Variants in PRR16 observed in about 807,000 individuals in gnomAD.
PRR16 encodes the protein proline rich 16, also known as protein Largen.
Under a neutral mutation model 18.2 loss-of-function variants are expected in PRR16, and 6 were observed. The observed-to-expected ratio is 0.33, with a 90% CI of 0.18 to 0.65. The LOEUF is 0.65. PRR16 is among the 30% of genes least tolerant of loss of function. The probability of loss-of-function intolerance (pLI) is 0.74; values close to 1 mark genes in which losing one functional copy is unlikely to be tolerated. For missense variants in PRR16, 412 were observed against 376.6 expected (o/e 1.09, Z -0.78); for synonymous variants, 151 against 147.8 (o/e 1.02, Z -0.16).
intron 1 of PRR16, among the ~76,000 whole-genome samples, chr5:120,660,142 C>T (rs1756127161): frequency 6.6e-6 from 1 of 152,052 alleles, no homozygotes; most frequent in African/African-American, 2.4e-5. Context: ...ACACTCACAA[C>T]TTTAGGCAAA....
intron 1 of PRR16, among the ~76,000 whole-genome samples, chr5:120,485,711 C>T (rs1749775244): frequency 6.6e-6 from 1 of 152,118 alleles, no homozygotes; most frequent in Admixed American, 6.6e-5. Context: ...AGGTTAGTTA[C>T]ATATGTATAC....
chr5:120,705,333 T>G, the PRR16 span, among the ~76,000 whole-genome samples: 1 of 152,108 alleles, frequency 6.6e-6, no homozygotes, highest in South Asian at 2.1e-4. Flanking sequence ...AATGTTATAT[T>G]CTTCATGATC....
chr5:120,481,601 C>G (rs1264290244), intron 1 of PRR16, among the ~76,000 whole-genome samples: 1 of 151,890 alleles, frequency 6.6e-6, no homozygotes, highest in Non-Finnish European at 1.5e-5. Flanking sequence ...TTGTAGAAAG[C>G]AGATTACATT....
the PRR16 span, among the ~76,000 whole-genome samples, chr5:120,754,401 T>TTATACTATATATTATATATTATATAATA: frequency 1.5e-5 from 1 of 67,212 alleles, no homozygotes; most frequent in African/African-American, 6.7e-5. Flanking sequence ...ATGTTATATA[T>TTATACTATATATTATATATTATATAATA]TATACTATAT....
chr5:120,476,181 T>C (rs956751400), intron 1 of PRR16, among the ~76,000 whole-genome samples: 2 of 152,184 alleles, frequency 1.3e-5, no homozygotes, highest in Non-Finnish European at 2.9e-5. Flanking sequence ...GCCAGTCCCC[T>C]GCTTAAAAGA....
At chr5:120,649,631 A>C (rs534619484) in intron 1 of PRR16, among the ~76,000 whole-genome samples, 19 of 152,288 alleles carry the variant, frequency 1.2e-4, no homozygotes, top group African/African-American at 4.3e-4. Flanking sequence ...TGGGGAGTAC[A>C]TTTTATAATT....
At chr5:120,560,170 A>C (rs898465255) in intron 1 of PRR16, among the ~76,000 whole-genome samples, 1 of 151,760 alleles carries the variant, frequency 6.6e-6, no homozygotes. Flanking sequence ...TTCTATTGCT[A>C]TGTTGAATAA....
chr5:120,530,409 G>A (rs539487243), intron 1 of PRR16, among the ~76,000 whole-genome samples: 166 of 150,666 alleles, frequency 1.1e-3, no homozygotes, highest in African/African-American at 3.2e-3. Context: ...CTACTTGCCC[G>A]ATCTCCTTTT....
chr5:120,485,282 G>A (rs1157772563), intron 1 of PRR16, among the ~76,000 whole-genome samples: 2 of 152,070 alleles, frequency 1.3e-5, no homozygotes, highest in African/African-American at 4.8e-5. Context: ...ATTGTGAAAT[G>A]CTTTTCTTTA....
the PRR16 span, among the ~76,000 whole-genome samples, chr5:120,754,413 CTATATAT>C: frequency 1.2e-3 from 28 of 24,190 alleles, 1 homozygote; most frequent in East Asian, 0.013. Context: ...ATACTATATA[CTATATAT>C]TATATAATAT....
the PRR16 span, among the ~76,000 whole-genome samples, chr5:120,717,972 TTCCC>T: frequency 6.6e-6 from 1 of 152,194 alleles, no homozygotes; most frequent in Non-Finnish European, 1.5e-5. Context: ...TTCTGCTTTT[TTCCC>T]TCCTCAATCT....
Position 120,678,651 on chromosome 5 carries a change from T to G in PRR16, c.160-7303T>G, listed in dbSNP as rs988296960. On this transcript the variant is annotated intron_variant, in intron 1 of 1. Coordinates refer to ENST00000407149, the MANE Select transcript of PRR16 (RefSeq NM_001300783.2). ...TAGTAGTTTTTTTATCTTGCTACTT[T>G]GCTGAATTTGTTTACCAATTCTAAT... 2.0e-5 allele frequency among the ~76,000 whole-genome samples: 3 copies of G among 152,234 alleles called. No individual in the cohort carries two copies. In the South Asian group the frequency reaches 6.2e-4, roughly 32 times the overall value.
chr5:120,674,064 A>C (rs1289996381), intron 1 of PRR16, among the ~76,000 whole-genome samples: 1 of 151,960 alleles, frequency 6.6e-6, no homozygotes, highest in East Asian at 1.9e-4. Flanking sequence ...TTGGAAATTG[A>C]GCTCTAAAAT....
At chr5:120,542,401 T>A (rs1349337511) in intron 1 of PRR16, among the ~76,000 whole-genome samples, 2 of 152,202 alleles carry the variant, frequency 1.3e-5, no homozygotes, top group African/African-American at 4.8e-5. Context: ...AGTACCTATA[T>A]ACTCTTCACC....
At chr5:120,470,699 C>T (rs571044906) in intron 1 of PRR16, among the ~76,000 whole-genome samples, 6 of 152,150 alleles carry the variant, frequency 3.9e-5, no homozygotes, top group Middle Eastern at 3.4e-3. Flanking sequence ...CTTCTCAGCG[C>T]ATTTATTTAT....
At chr5:120,689,849 CAA>C (rs1757189339), downstream of PRR16, among the ~76,000 whole-genome samples, 1 of 151,368 alleles carries the variant, frequency 6.6e-6, no homozygotes, top group South Asian at 2.1e-4. Context: ...AAAAATTGCC[CAA>C]AGTTATCTTC....
At chr5:120,496,220 T>C (rs1750240402) in intron 1 of PRR16, among the ~76,000 whole-genome samples, 2 of 152,056 alleles carry the variant, frequency 1.3e-5, no homozygotes, top group South Asian at 2.1e-4. Context: ...TTTGTATCTG[T>C]AGATATGGTG....
chr5:120,691,280 T>A (rs1019860661), downstream of PRR16, among the ~76,000 whole-genome samples: 2 of 152,274 alleles, frequency 1.3e-5, no homozygotes, highest in Middle Eastern at 3.4e-3. Flanking sequence ...TTTATTCTGA[T>A]CAGTTATTTT....
chr5:120,505,244 A>T (rs952791131), intron 1 of PRR16, among the ~76,000 whole-genome samples: 4 of 152,202 alleles, frequency 2.6e-5, no homozygotes, highest in South Asian at 2.1e-4. Flanking sequence ...TAATGTCTAA[A>T]GAAATACTGA....
Sources: gnomAD v4.1 joint callset for allele counts (sites outside exome capture counted in the v4.1 genomes callset) on GRCh38, gnomAD v4.1.1 for gene constraint, MANE v1.5 for transcripts, NCBI Gene and HGNC (gene_info 2026-07-23, HGNC 2026-07-21) for gene names.